VPS41: variants seen among roughly 807,000 people sequenced by gnomAD.
The protein encoded by VPS41 is VPS41 subunit of HOPS complex, also known as vacuolar protein sorting-associated protein 41 homolog.
Under a neutral mutation model 130.9 loss-of-function variants are expected in VPS41, and 85 were observed. The observed-to-expected ratio is 0.65, with a 90% CI of 0.55 to 0.78. VPS41 has a LOEUF of 0.78. VPS41 is among the 30% of genes least tolerant of loss of function. The probability of loss-of-function intolerance (pLI) is 0.00; values close to 1 mark genes in which losing one functional copy is unlikely to be tolerated. For missense variants in VPS41, 874 were observed against 1,018.7 expected (o/e 0.86, Z 1.93); for synonymous variants, 335 against 332.9 (o/e 1.01, Z -0.07).
chr7:38,838,810 T>C (rs1350369173), intron 4 of VPS41, among the ~76,000 whole-genome samples: 2 of 152,204 alleles, frequency 1.3e-5, no homozygotes, highest in Non-Finnish European at 2.9e-5. Flanking sequence ...TTAGTATGGA[T>C]TATGTCAGCT....
At chr7:38,907,384 G>A (rs1206113220) in intron 1 of VPS41, among the ~76,000 whole-genome samples, 2 of 152,148 alleles carry the variant, frequency 1.3e-5, no homozygotes, top group Admixed American at 1.3e-4. Flanking sequence ...GTCAAGAAAA[G>A]GTGGCTAAGG....
In VPS41 at chr7:38,796,978, A is replaced by C. The variant is rs1784633674; in HGVS notation, c.451-114T>G. On this transcript the variant is annotated intron_variant, in intron 7 of 28. Transcript: ENST00000310301. ...CCAAATAACAAACAAGTCACTCTCG[A>C]CGTCTTTAATGTAGACTTACAGTAG... 1.1e-5 allele frequency: 13 copies of C among 1,229,106 alleles called. No individual in the cohort carries two copies. In the East Asian group the frequency reaches 3.1e-4, roughly 29 times the overall value. The allele number at this position is 1,229,106 out of a possible 1,614,324, so 76.1% of individuals were successfully genotyped here.
intron 6 of VPS41, among the ~76,000 whole-genome samples, chr7:38,819,872 CT>C (rs1388186575): frequency 2.6e-5 from 4 of 152,146 alleles, no homozygotes; most frequent in Non-Finnish European, 5.9e-5. Context: ...TTAAAAATAG[CT>C]TCACCTTATT....
At chr7:38,744,333 C>A (rs2115652682) in intron 23 of VPS41, among the ~76,000 whole-genome samples, 1 of 152,314 alleles carries the variant, frequency 6.6e-6, no homozygotes, top group South Asian at 2.1e-4. Context: ...TGTCTCTGGG[C>A]TTGCAGGAAC....
At chr7:38,889,343 A>C (rs1423509819) in intron 2 of VPS41, among the ~76,000 whole-genome samples, 1 of 141,432 alleles carries the variant, frequency 7.1e-6, no homozygotes, top group Non-Finnish European at 1.5e-5. Flanking sequence ...TTATAATTAA[A>C]CTTGCAAACA....
chr7:38,756,705 T>C, intron 19 of VPS41, 133 bp downstream of exon 19: 1 of 618,670 alleles, frequency 1.6e-6, no homozygotes, highest in Non-Finnish European at 2.7e-6. Context: ...AGGGTCAGAG[T>C]GTTCTAAAGA....
chr7:38,809,546 A>G (rs1398086936), intron 7 of VPS41, among the ~76,000 whole-genome samples: 2 of 152,118 alleles, frequency 1.3e-5, no homozygotes, highest in Non-Finnish European at 2.9e-5. Flanking sequence ...TCAAAATCCA[A>G]TTTATTATTT....
chr7:38,744,883 T>C (rs1231007807), intron 23 of VPS41, among the ~76,000 whole-genome samples: 1 of 152,136 alleles, frequency 6.6e-6, no homozygotes, highest in Non-Finnish European at 1.5e-5. Flanking sequence ...GGGAAAGGCG[T>C]AAAGCGGAAA....
At chr7:38,786,915 G>C (rs902690929) in intron 10 of VPS41, among the ~76,000 whole-genome samples, 1 of 152,076 alleles carries the variant, frequency 6.6e-6, no homozygotes, top group African/African-American at 2.4e-5. Flanking sequence ...ATCTAGGAAA[G>C]AATTATCTCA....
chr7:38,726,623 A>C (rs1331256990), intron 28 of VPS41, among the ~76,000 whole-genome samples: 1 of 152,196 alleles, frequency 6.6e-6, no homozygotes, highest in Admixed American at 6.5e-5. Context: ...AAGATACACA[A>C]TGGCTCTCTA....
At chr7:38,765,056 T>C (rs1784009462) in intron 16 of VPS41, among the ~76,000 whole-genome samples, 1 of 152,168 alleles carries the variant, frequency 6.6e-6, no homozygotes, top group East Asian at 1.9e-4. Flanking sequence ...GGTCCACAAA[T>C]ACTGAAAAAT....
chr7:38,808,778 CA>C (rs1388925862), intron 7 of VPS41, among the ~76,000 whole-genome samples: 1 of 152,112 alleles, frequency 6.6e-6, no homozygotes, highest in Admixed American at 6.6e-5. Context: ...TTCTAGCCAC[CA>C]AAACCCCAGC....
intron 4 of VPS41, among the ~76,000 whole-genome samples, chr7:38,838,306 C>T (rs1785538173): frequency 6.6e-6 from 1 of 152,162 alleles, no homozygotes; most frequent in East Asian, 1.9e-4. Context: ...CCTTCTAGTA[C>T]AGGATTCTGC....
At position 38,814,567 on chromosome 7, in the gene VPS41, G is replaced by A. The variant is rs543712652; in HGVS notation, c.450+3250C>T. 7.1e-4 allele frequency among the ~76,000 whole-genome samples: 108 copies of A among 152,134 alleles called. No individual in the cohort carries two copies. In the Middle Eastern group the frequency reaches 0.014, roughly 19 times the overall value. ...CGGGAGGCTGAGGGAGGAGAATGGC[G>A]TGAACCCGGCAGGCAGAGCTTGCAG... On this transcript the variant is annotated intron_variant, in intron 7 of 28. Transcript: ENST00000310301.
chr7:38,728,548 G>A lies in VPS41; in HGVS notation c.2398C>T (p.Pro800Ser). 6.2e-7 allele frequency: 1 copy of A among 1,614,076 alleles called. No homozygotes were observed. The highest frequency in any genetic ancestry group is 8.5e-7 in the Non-Finnish European group (1 of 1,179,998). The part of the protein sequence containing the change: ...ICESCLSPIL[P>S]SDAAKPFSVV... ...TTGGGGAAAACCTTCTTACCTGATG[G>A]AAGAATAGGGGAAAGGCACGACTCA... is the stretch of plus-strand genomic sequence containing the variant. The change falls in exon 27 of 29, where the codon CCA becomes TCA. Residue 800 changes from proline to serine, a missense_variant. Pro to Ser is a moderately conservative substitution (Grantham distance 74). Coordinates refer to ENST00000310301, the MANE Select transcript of VPS41 (RefSeq NM_014396.4).
chr7:38,849,554 C>T (rs1230024003), intron 4 of VPS41, among the ~76,000 whole-genome samples: 2 of 152,196 alleles, frequency 1.3e-5, no homozygotes, highest in African/African-American at 2.4e-5. Flanking sequence ...AGCCCGGCCT[C>T]TCCTCCAACC....
intron 2 of VPS41, among the ~76,000 whole-genome samples, chr7:38,873,469 A>G (rs1241664134): frequency 6.6e-6 from 1 of 152,008 alleles, no homozygotes; most frequent in African/African-American, 2.4e-5. Flanking sequence ...AAAGGTTTTC[A>G]TGCAGTTTGG....
rs113003843 is a variant in VPS41, at chr7:38,909,064, G to A, written c.21+90C>T. On this transcript the variant is annotated intron_variant, in intron 1 of 28. Transcript: ENST00000310301. ...TGCCTTGCGCTATTCCAGCAGCTCC[G>A]CACCTCCACCCACTCCACTCCACCC... 3.2e-5 allele frequency: 45 copies of A among 1,392,340 alleles called. 1 individual carries two copies. Among genetic ancestry groups the A allele is most frequent in the African/African-American group, 3.2e-4 (22 of 68,474 alleles). 86.2% of individuals were successfully genotyped at this position (1,392,340 alleles called of 1,614,324 possible).
At chr7:38,738,498 A>G (rs1434124513) in intron 25 of VPS41, among the ~76,000 whole-genome samples, 2 of 152,240 alleles carry the variant, frequency 1.3e-5, no homozygotes, top group African/African-American at 4.8e-5. Context: ...GAAATTCTCA[A>G]GGGAAAAAAG....
Sources: allele counts gnomAD v4.1 joint callset (sites outside exome capture counted in the v4.1 genomes callset), GRCh38; gene constraint gnomAD v4.1.1; transcripts MANE v1.5; gene names NCBI Gene and HGNC (gene_info 2026-07-23, HGNC 2026-07-21).